Variants in TIMM10B observed in about 807,000 individuals in gnomAD.
TIMM10B encodes translocase of inner mitochondrial membrane 10B, also known as mitochondrial import inner membrane translocase subunit Tim10 B.
A neutral mutation model predicts 12.6 loss-of-function variants in TIMM10B; 17 were observed. The observed-to-expected ratio is 1.35, with a 90% CI of 0.92 to 2.03. The LOEUF (loss-of-function observed/expected upper bound fraction) is 2.03. TIMM10B is among the 30% of genes most tolerant of loss of function. The probability of loss-of-function intolerance (pLI) is 0.00; values close to 1 mark genes in which losing one functional copy is unlikely to be tolerated. For synonymous variants in TIMM10B, 63 were observed against 51.3 expected (o/e 1.23, Z -0.97); for missense variants, 165 against 133.3 (o/e 1.24, Z -1.17).
chr11:6,482,060 A>C lies in TIMM10B; in HGVS notation c.151A>C (p.Ser51Arg), dbSNP rs908396747. 6.2e-7 allele frequency: 1 copy of C among 1,613,570 alleles called. No individual in the cohort carries two copies. The highest frequency in any genetic ancestry group is 8.5e-7 in the Non-Finnish European group (1 of 1,179,598). Reference protein sequence around the residue: ...LDAEEEACLHSCAGKLIHSNH... With the variant: ...LDAEEEACLHRCAGKLIHSNH... ...TTCCTTCTAGGAGGCCTGTCTGCAC[A>C]GCTGTGCTGGGAAGCTGATCCATTC... The change falls in exon 3 of 3, where the codon AGC (serine) becomes CGC (arginine). Residue 51 changes from serine (S) to arginine (R), a missense_variant. Transcript: ENST00000254616.
chr11:6,483,834 G>A lies in TIMM10B; in HGVS notation c.*1613G>A, dbSNP rs543792074. 2.6e-5 allele frequency: 4 copies of A among 152,160 alleles called. No individual in the cohort carries two copies. The highest frequency in any genetic ancestry group is 4.4e-5 in the Non-Finnish European group (3 of 68,032). 9.4% of individuals were successfully genotyped at this position (152,160 alleles called of 1,614,324 possible). A position where few individuals can be genotyped will look rare whatever the true frequency, so the allele number is the denominator to read the frequency against. ...AGCAGAAAATTGAAATTCTCAAGTA[G>A]CAGACCCGGTATTAAAGTGCAGATC... On this transcript the variant is annotated 3_prime_UTR_variant, in exon 3 of 3. Coordinates refer to ENST00000254616, the MANE Select transcript of TIMM10B (RefSeq NM_012192.4).
rs1191349839 is a variant in TIMM10B at position 6,482,176 on chromosome 11, A to G, written c.267A>G (p.Pro89=). Reference sequence around the variant, plus strand: ...ACTACGAGGCTGCCTCGGCTGTGCCAGGCGTTGCTGCTGAACAGCCTGGGG... The same window carrying G: ...ACTACGAGGCTGCCTCGGCTGTGCCGGGCGTTGCTGCTGAACAGCCTGGGG... ...IADYEAASAV[P]GVAAEQPGVS... The change falls in exon 3 of 3, where the codon CCA becomes CCG. Residue 89 remains proline, a synonymous_variant. Coordinates refer to ENST00000254616, the MANE Select transcript of TIMM10B (RefSeq NM_012192.4). 6.2e-7 allele frequency: 1 copy of G among 1,610,962 alleles called. No homozygotes were observed. The highest frequency in any genetic ancestry group is 8.5e-7 in the Non-Finnish European group (1 of 1,179,944).
intron 1 of TIMM10B, 62 bp from the exon 2 acceptor site, chr11:6,481,695 G>A: frequency 1.5e-5 from 24 of 1,607,728 alleles, no homozygotes; most frequent in Non-Finnish European, 1.8e-5. Flanking sequence ...TTTGGGCGGC[G>A]CGACCTTGAC....
chr11:6,481,556 G>T lies in TIMM10B; in HGVS notation c.39+1G>T, dbSNP rs371914546. On this transcript the variant is annotated splice_donor_variant, in intron 1 of 2. Coordinates refer to ENST00000254616, the MANE Select transcript of TIMM10B (RefSeq NM_012192.4). LOFTEE classifies it high-confidence loss of function. ...GCAGCAGCAACAGCAACTGCGAAAC[G>T]TAAGTGAGAACTAAGTCGTTTCGAG... The T allele has an allele frequency of 8.1e-6, 13 of 1,607,046 alleles. No individual in the cohort carries two copies. The highest frequency in any genetic ancestry group is 2.7e-5 in the African/African-American group (2 of 74,664).
At position 6,482,152 on chromosome 11, in the gene TIMM10B, C is replaced by T. The variant is rs150825448; in HGVS notation, c.243C>T (p.Asp81=). Residue 81 remains aspartate, a synonymous_variant, in exon 3 of 3, where the codon GAC becomes GAT. Coordinates refer to ENST00000254616, the MANE Select transcript of TIMM10B (RefSeq NM_012192.4). ...MPALVQRRIA[D]YEAASAVPGV... ...CCCTGGTACAGCGCCGCATCGCAGA[C>T]TACGAGGCTGCCTCGGCTGTGCCAG... is the stretch of plus-strand genomic sequence containing the variant. The T allele has an allele frequency of 1.6e-5, 26 of 1,612,562 alleles. 1 individual carries two copies. The highest frequency in any genetic ancestry group is 1.6e-4 in the African/African-American group (12 of 75,076).
At position 6,481,558 on chromosome 11, in the gene TIMM10B, A is replaced by G. The variant is rs759083798; in HGVS notation, c.39+3A>G. 3.1e-6 allele frequency: 5 copies of G among 1,606,672 alleles called. No homozygotes were observed. In the East Asian group the frequency reaches 9.0e-5, roughly 29 times the overall value. Reference sequence around the variant, plus strand: ...AGCAGCAACAGCAACTGCGAAACGTAAGTGAGAACTAAGTCGTTTCGAGGC... The same window carrying G: ...AGCAGCAACAGCAACTGCGAAACGTGAGTGAGAACTAAGTCGTTTCGAGGC... On this transcript the variant is annotated splice_donor_region_variant and intron_variant, in intron 1 of 2. Coordinates refer to ENST00000254616, the MANE Select transcript of TIMM10B (RefSeq NM_012192.4).
rs1439971358 is a variant in TIMM10B at position 6,481,860 on chromosome 11, AC to A, written c.135+9del. On this transcript the variant is annotated intron_variant, in intron 2 of 2. Transcript: ENST00000254616. ...GCTCTGGACGCTGAGGAGGTGGGGA[AC>A]TGTGTAGGGAGGTTACGCTGCAAGA... is the stretch of plus-strand genomic sequence containing the variant. The A allele has an allele frequency of 2.5e-6, 4 of 1,613,470 alleles. No homozygotes were observed. In the Admixed American group the frequency reaches 6.7e-5, roughly 27 times the overall value.
Position 6,482,213 on chromosome 11 carries a change from G to A in TIMM10B, c.304G>A (p.Gly102Ser), listed in dbSNP as rs780743160. 5.0e-6 allele frequency: 8 copies of A among 1,604,304 alleles called. No individual in the cohort carries two copies. In the African/African-American group the frequency reaches 9.3e-5, roughly 19 times the overall value. Residue 102 changes from glycine to serine, a missense_variant, in exon 3 of 3, where the codon GGC becomes AGC. By Grantham distance (56) the Gly-to-Ser change is moderately conservative. Transcript: ENST00000254616. ...TGAACAGCCTGGGGTCTCTCCATCA[G>A]GCAGCTAGCCATACCCAACCCCAGG... ...AAEQPGVSPS[G>S]S
Position 6,482,457 on chromosome 11 carries a change from A to G in TIMM10B, c.*236A>G, listed in dbSNP as rs1002050326. The G allele has an allele frequency of 6.0e-6, 3 of 496,334 alleles. No individual in the cohort carries two copies. Among genetic ancestry groups the G allele is most frequent in the Non-Finnish European group, 1.1e-5 (3 of 274,958 alleles). The allele number at this position is 496,334 out of a possible 1,614,324, so 30.7% of individuals were successfully genotyped here. A position where few individuals can be genotyped will look rare whatever the true frequency, so the allele number is the denominator to read the frequency against. ...AATCCGTTGTTCTGTCGTTTAGTGCATATCTGCTGGCTTCAGCCCTGGCAG... is the reference window on the plus strand; with the variant it reads ...AATCCGTTGTTCTGTCGTTTAGTGCGTATCTGCTGGCTTCAGCCCTGGCAG... On this transcript the variant is annotated 3_prime_UTR_variant, in exon 3 of 3. Coordinates refer to ENST00000254616, the MANE Select transcript of TIMM10B (RefSeq NM_012192.4).
In TIMM10B at chr11:6,484,679, T is replaced by C. The variant is rs1851892538; in HGVS notation, c.*2458T>C. On this transcript the variant is annotated 3_prime_UTR_variant, in exon 3 of 3. Transcript: ENST00000254616. Reference sequence around the variant, plus strand: ...CCTTGCAATAAACTTCCATTGTGAATTATCTGTGCTTCCCGTCCTTCCATG... The same window carrying C: ...CCTTGCAATAAACTTCCATTGTGAACTATCTGTGCTTCCCGTCCTTCCATG... 6.6e-6 allele frequency: 1 copy of C among 152,236 alleles called. No individual in the cohort carries two copies. Among genetic ancestry groups the C allele is most frequent in the Admixed American group, 6.5e-5 (1 of 15,292 alleles). The allele number at this position is 152,236 out of a possible 1,614,324, so 9.4% of individuals were successfully genotyped here. A position where few individuals can be genotyped will look rare whatever the true frequency, so the allele number is the denominator to read the frequency against.
In TIMM10B at chr11:6,482,970, G is replaced by T. The variant is rs1241574068; in HGVS notation, c.*749G>T. ...AGAGATGAAACCTGTAAGAAGTCTG[G>T]AGTCTTTTGGAACTTCAGCCATTTC... On this transcript the variant is annotated 3_prime_UTR_variant, in exon 3 of 3. Transcript: ENST00000254616. 1.3e-5 allele frequency: 2 copies of T among 152,216 alleles called. No individual in the cohort carries two copies. The highest frequency in any genetic ancestry group is 2.9e-5 in the Non-Finnish European group (2 of 68,050). The allele number at this position is 152,216 out of a possible 1,614,324, so 9.4% of individuals were successfully genotyped here.
At chr11:6,481,873 GT>G in intron 2 of TIMM10B, 21 bp downstream of exon 2, 1 of 1,612,848 alleles carries the variant, frequency 6.2e-7, no homozygotes, top group Non-Finnish European at 8.5e-7. Flanking sequence ...GTGTAGGGAG[GT>G]TACGCTGCAA....
chr11:6,481,775 G>C lies in TIMM10B; in HGVS notation c.58G>C (p.Val20Leu), dbSNP rs1249513726. The C allele has an allele frequency of 3.7e-6, 6 of 1,614,114 alleles. No homozygotes were observed. The highest frequency in any genetic ancestry group is 3.3e-5 in the Admixed American group (2 of 60,028). ...CTCTCAGCTGCGTGACTTCCTGTTG[G>C]TCTACAATCGGATGACAGAACTCTG... ...QLRNLRDFLL[V>L]YNRMTELCFQ... The change falls in exon 2 of 3, where the codon GTC (valine) becomes CTC (leucine). Residue 20 changes from valine (V) to leucine (L), a missense_variant. Transcript: ENST00000254616.
Position 6,482,332 on chromosome 11 carries a change from G to C in TIMM10B, c.*111G>C. On this transcript the variant is annotated 3_prime_UTR_variant, in exon 3 of 3. Transcript: ENST00000254616. ...AGAGAGAATTCGAGGTTGCCTGAAA[G>C]CTGGGTGTCCTTGCTCCTTTTCCTG... The C allele has an allele frequency of 1.6e-5, 17 of 1,040,714 alleles. No individual in the cohort carries two copies. The highest frequency in any genetic ancestry group is 2.3e-5 in the Non-Finnish European group (17 of 734,364). The allele number at this position is 1,040,714 out of a possible 1,614,324, so 64.5% of individuals were successfully genotyped here. A position where few individuals can be genotyped will look rare whatever the true frequency, so the allele number is the denominator to read the frequency against.
intron 1 of TIMM10B, 42 bp downstream of exon 1, chr11:6,481,597 C>T (rs755728517): frequency 7.0e-6 from 11 of 1,581,720 alleles, no homozygotes; most frequent in Non-Finnish European, 9.5e-6. Flanking sequence ...ACGTTCAGCT[C>T]GCATTCCTGC....
In TIMM10B at chr11:6,484,623, A is replaced by T. The variant is rs918885002; in HGVS notation, c.*2402A>T. 2 of 152,240 alleles carry T rather than the reference A, an allele frequency of 1.3e-5. No individual in the cohort carries two copies. Among genetic ancestry groups the T allele is most frequent in the Non-Finnish European group, 2.9e-5 (2 of 68,052 alleles). 9.4% of individuals were successfully genotyped at this position (152,240 alleles called of 1,614,324 possible). On this transcript the variant is annotated 3_prime_UTR_variant, in exon 3 of 3. Coordinates refer to ENST00000254616, the MANE Select transcript of TIMM10B (RefSeq NM_012192.4). ...CCTGTGATACTGTGCTGCTGGTGGGAGGACCCTTCCACATCAACATTTGTG... is the reference window on the plus strand; with the variant it reads ...CCTGTGATACTGTGCTGCTGGTGGGTGGACCCTTCCACATCAACATTTGTG...
chr11:6,481,556 G>A lies in TIMM10B; in HGVS notation c.39+1G>A, dbSNP rs371914546. The A allele has an allele frequency of 6.2e-7, 1 of 1,607,162 alleles. No individual in the cohort carries two copies. Among genetic ancestry groups the A allele is most frequent in the Admixed American group, 1.7e-5 (1 of 58,792 alleles). On this transcript the variant is annotated splice_donor_variant, in intron 1 of 2. Transcript: ENST00000254616. LOFTEE classifies it high-confidence loss of function. ...GCAGCAGCAACAGCAACTGCGAAAC[G>A]TAAGTGAGAACTAAGTCGTTTCGAG... is the stretch of plus-strand genomic sequence containing the variant.
At chr11:6,482,021 A>G (rs970044537) in intron 2 of TIMM10B, 24 bp from the exon 3 acceptor site, 1 of 1,605,646 alleles carries the variant, frequency 6.2e-7, no homozygotes, top group Non-Finnish European at 8.5e-7. Flanking sequence ...TTTATCCTCC[A>G]CTTAAACCCT....
chr11:6,481,663 A>G, intron 1 of TIMM10B, 94 bp from the exon 2 acceptor site: 4 of 1,590,896 alleles, frequency 2.5e-6, no homozygotes, highest in Non-Finnish European at 3.4e-6. Flanking sequence ...ACTTCGGGCT[A>G]TGGCGCGCGG....
Sources: allele counts gnomAD v4.1 joint callset, GRCh38; gene constraint gnomAD v4.1.1; transcripts MANE v1.5; gene names NCBI Gene and HGNC (gene_info 2026-07-23, HGNC 2026-07-21).